ALPL: variants seen among roughly 807,000 people sequenced by gnomAD.
The protein encoded by ALPL is alkaline phosphatase, tissue-nonspecific isozyme.
In ALPL, 42 loss-of-function variants were observed where a neutral mutation model predicts 51.3. The observed-to-expected ratio is 0.82, with a 90% CI of 0.64 to 1.06. The LOEUF (loss-of-function observed/expected upper bound fraction) is 1.06, where lower values mean the gene tolerates loss of function less well. Ranked by LOEUF, ALPL falls within the 50% of genes least tolerant of loss-of-function variation. The pLI, the probability that ALPL is intolerant of heterozygous loss-of-function variation, is 0.00. For missense variants in ALPL, 589 were observed against 709.4 expected (o/e 0.83, Z 1.93); for synonymous variants, 279 against 296.4 (o/e 0.94, Z 0.60).
At chr1:21,545,816 T>TTTTAA (rs549918457) in intron 1 of ALPL, among the ~76,000 whole-genome samples, 15 of 152,172 alleles carry the variant, frequency 9.9e-5, no homozygotes, top group African/African-American at 3.4e-4. Flanking sequence ...TTTTTTTATA[T>TTTTAA]TTTATTTTAT....
chr1:21,555,689 A>G (rs571748949), intron 2 of ALPL, among the ~76,000 whole-genome samples: 2 of 151,972 alleles, frequency 1.3e-5, no homozygotes, highest in African/African-American at 4.8e-5. Context: ...AAGTGCTGGG[A>G]TTACAGGTGT....
intron 1 of ALPL, among the ~76,000 whole-genome samples, chr1:21,525,802 A>G (rs1023930109): frequency 6.6e-6 from 1 of 152,230 alleles, no homozygotes; most frequent in Non-Finnish European, 1.5e-5. Flanking sequence ...AGCCTGACCA[A>G]CATGGTGAAA....
At chr1:21,529,069 C>CAAAAAA (rs58835667) in intron 1 of ALPL, among the ~76,000 whole-genome samples, 1 of 119,358 alleles carries the variant, frequency 8.4e-6, no homozygotes. Context: ...GACTCCATCT[C>CAAAAAA]AAAAAAAAAA....
chr1:21,552,479 C>CAA (rs34760747), intron 1 of ALPL, among the ~76,000 whole-genome samples: 1 of 123,506 alleles, frequency 8.1e-6, no homozygotes, highest in African/African-American at 3.0e-5. Context: ...AACTCCGTCT[C>CAA]AAAAAAAAAA....
chr1:21,556,378 C>T (rs541021145), intron 2 of ALPL, among the ~76,000 whole-genome samples: 5 of 152,128 alleles, frequency 3.3e-5, no homozygotes, highest in Non-Finnish European at 5.9e-5. Flanking sequence ...TGGTGGCTCA[C>T]GCCTGTAATC....
rs755504207 is a variant in ALPL at position 21,568,263 on chromosome 1, G to T, written c.792+16G>T. The T allele has an allele frequency of 6.2e-7, 1 of 1,613,956 alleles. No individual in the cohort carries two copies. Among genetic ancestry groups the T allele is most frequent in the South Asian group, 1.1e-5 (1 of 91,066 alleles). On this transcript the variant is annotated intron_variant, in intron 7 of 11. Transcript: ENST00000374840. ...GAGATACAAGGTAGCCTGTGCTGGGGCCATGTGGCTGCAGAGGTGGCCTGT... is the reference window on the plus strand; with the variant it reads ...GAGATACAAGGTAGCCTGTGCTGGGTCCATGTGGCTGCAGAGGTGGCCTGT...
Position 21,571,595 on chromosome 1 carries a change from C to G in ALPL, c.862+1221C>G, listed in dbSNP as rs181163212. Among the ~76,000 whole-genome samples, 334 of 152,088 alleles carry G rather than the reference C, an allele frequency of 2.2e-3. 2 individuals are homozygous for G. Among genetic ancestry groups the G allele is most frequent in the African/African-American group, 7.6e-3 (316 of 41,490 alleles). ...GCTGAGGCAGGAGAATGGTATGAACCCGGGAGGCGGAGGTTACAGTGAGCC... is the reference window on the plus strand; with the variant it reads ...GCTGAGGCAGGAGAATGGTATGAACGCGGGAGGCGGAGGTTACAGTGAGCC... On this transcript the variant is annotated intron_variant, in intron 8 of 11. Coordinates refer to ENST00000374840, the MANE Select transcript of ALPL (RefSeq NM_000478.6).
chr1:21,555,606 C>T (rs551531244), intron 2 of ALPL, among the ~76,000 whole-genome samples: 11 of 151,966 alleles, frequency 7.2e-5, no homozygotes, highest in South Asian at 2.1e-4. Flanking sequence ...TTATTAGAGA[C>T]GGGGTTTCAT....
At chr1:21,565,450 T>G (rs1644549712) in intron 6 of ALPL, among the ~76,000 whole-genome samples, 1 of 152,052 alleles carries the variant, frequency 6.6e-6, no homozygotes, top group African/African-American at 2.4e-5. Context: ...TGGGAGGCCG[T>G]GATGAGGTCA....
chr1:21,563,774 A>G (rs774756455), intron 5 of ALPL, among the ~76,000 whole-genome samples: 14 of 130,852 alleles, frequency 1.1e-4, no homozygotes, highest in African/African-American at 1.3e-4. Context: ...GGGCGCCTTG[A>G]TGAAGGGGAG....
Position 21,569,429 on chromosome 1 carries a change from G to A in ALPL, c.793-876G>A, listed in dbSNP as rs1644614445. 2.0e-5 allele frequency among the ~76,000 whole-genome samples: 3 copies of A among 152,314 alleles called. No homozygotes were observed. The South Asian group carries it at 6.2e-4, about 32-fold the overall frequency. On this transcript the variant is annotated intron_variant, in intron 7 of 11. Transcript: ENST00000374840. ...CCTAGAAAATCATGCCTTAAGAGTGGGTTTTAGAGTCAGTTTCACCTTTAC... is the reference window on the plus strand; with the variant it reads ...CCTAGAAAATCATGCCTTAAGAGTGAGTTTTAGAGTCAGTTTCACCTTTAC...
chr1:21,554,855 T>C lies in ALPL; in HGVS notation c.61+713T>C, dbSNP rs563107510. Among the ~76,000 whole-genome samples the C allele has an allele frequency of 3.6e-3, 476 of 131,338 alleles. 1 individual carries two copies. The highest frequency in any genetic ancestry group is 4.4e-3 in the Non-Finnish European group (271 of 61,702). 86.2% of individuals were successfully genotyped at this position (131,338 alleles called of 152,430 possible). A position where few individuals can be genotyped will look rare whatever the true frequency, so the allele number is the denominator to read the frequency against. On this transcript the variant is annotated intron_variant, in intron 2 of 11. Transcript: ENST00000374840. Reference sequence around the variant, plus strand: ...TTTCTTTCTTTCTTTCTTTCTTTCTTTCTTTCTTTCTTTCTTTCTCTCTTT... The same window carrying C: ...TTTCTTTCTTTCTTTCTTTCTTTCTCTCTTTCTTTCTTTCTTTCTCTCTTT...
intron 11 of ALPL, 44 bp downstream of exon 11, chr1:21,576,685 C>T: frequency 6.2e-7 from 1 of 1,611,410 alleles, no homozygotes; most frequent in South Asian, 1.1e-5. Context: ...CAGGGCACCC[C>T]TCGGGGATGG....
At chr1:21,518,729 G>C (rs1359980786) in intron 1 of ALPL, among the ~76,000 whole-genome samples, 1 of 152,042 alleles carries the variant, frequency 6.6e-6, no homozygotes, top group Non-Finnish European at 1.5e-5. Flanking sequence ...AATTTGGTTT[G>C]GGGAGAGGGC....
chr1:21,521,686 C>G (rs908367973), intron 1 of ALPL, among the ~76,000 whole-genome samples: 2 of 152,182 alleles, frequency 1.3e-5, no homozygotes, highest in Non-Finnish European at 2.9e-5. Context: ...GGCAGCAGGA[C>G]AAGCCAGTGT....
At chr1:21,520,809 C>T (rs1414034623) in intron 1 of ALPL, among the ~76,000 whole-genome samples, 1 of 152,160 alleles carries the variant, frequency 6.6e-6, no homozygotes, top group Non-Finnish European at 1.5e-5. Flanking sequence ...AAAGTATTCA[C>T]ATCATTTTGC....
intron 1 of ALPL, among the ~76,000 whole-genome samples, chr1:21,517,625 A>G (rs1643825343): frequency 6.6e-6 from 1 of 152,130 alleles, no homozygotes; most frequent in Non-Finnish European, 1.5e-5. Context: ...AGAAGGAAGC[A>G]TCCTGAGAAA....
Position 21,564,104 on chromosome 1 carries a change from C to G in ALPL, c.536C>G (p.Ala179Gly). ...VNHATPSAAY[A>G]HSADRDWYSD... ...CATGCCACCCCCAGCGCCGCCTACG[C>G]CCACTCGGCTGACCGGGACTGGTAC... The change falls in exon 6 of 12, where the codon GCC (alanine) becomes GGC (glycine). Residue 179 changes from alanine to glycine, a missense_variant. Coordinates refer to ENST00000374840, the MANE Select transcript of ALPL (RefSeq NM_000478.6). This position sits in a 1 kb window ranked among gnomAD's most constrained non-coding sequence, Gnocchi z 5.8. 1.9e-6 allele frequency: 3 copies of G among 1,614,106 alleles called. No homozygotes were observed. Among genetic ancestry groups the G allele is most frequent in the Non-Finnish European group, 2.5e-6 (3 of 1,180,014 alleles).
chr1:21,561,694 T>G (rs1378774134), intron 4 of ALPL, among the ~76,000 whole-genome samples: 1 of 140,924 alleles, frequency 7.1e-6, no homozygotes, highest in Non-Finnish European at 1.5e-5. Flanking sequence ...TTTGAGACAG[T>G]CTTACTCTGT....
Sources: gnomAD v4.1 joint callset for allele counts (sites outside exome capture counted in the v4.1 genomes callset) on GRCh38, gnomAD v4.1.1 for gene constraint, Gnocchi (gnomAD v3.1) non-coding constraint, MANE v1.5 for transcripts, NCBI Gene and HGNC (gene_info 2026-07-23, HGNC 2026-07-21) for gene names.